ERN2: variants seen among roughly 807,000 people sequenced by gnomAD.
ERN2 encodes the protein serine/threonine-protein kinase/endoribonuclease IRE2.
ERN2 carries 111 observed loss-of-function variants against 107.9 expected under a neutral mutation model. The ratio of observed to expected loss-of-function variants is 1.03; its 90% CI spans 0.88 to 1.20. ERN2 has a LOEUF of 1.20. ERN2 is among the 50% of genes most tolerant of loss of function. The pLI is 0.00. For missense variants in ERN2, 1,225 were observed against 1,197.9 expected (o/e 1.02, Z -0.33); for synonymous variants, 524 against 501.7 (o/e 1.04, Z -0.59).
intron 8 of ERN2, among the ~76,000 whole-genome samples, chr16:23,704,389 T>C (rs543769394): frequency 6.6e-6 from 1 of 152,232 alleles, no homozygotes; most frequent in South Asian, 2.1e-4. Context: ...ATGCTGTTCT[T>C]GTGATAGTGA....
chr16:23,706,289 G>C (rs1252267565), intron 7 of ERN2, 41 bp downstream of exon 7: 34 of 1,363,328 alleles, frequency 2.5e-5, no homozygotes, highest in Non-Finnish European at 3.3e-5. Context: ...CTGGGTTGGG[G>C]ACCTTGCTCC....
chr16:23,701,069 G>T lies in ERN2; in HGVS notation c.1249C>A (p.Pro417Thr). The change falls in exon 12 of 22, where the codon CCA becomes ACA. Residue 417 changes from proline (P) to threonine (T), a missense_variant. Transcript: ENST00000256797. ...TAAGAGTCTGGAGTTTTTTCTTCTG[G>T]ATGCAGCTCGGAGTCCCAAAGTTTC... ...REKLWDSELHPEEKTPDSYLG... is the reference protein window; with the variant it reads ...REKLWDSELHTEEKTPDSYLG... The T allele has an allele frequency of 6.2e-7, 1 of 1,614,150 alleles. No homozygotes were observed. Among genetic ancestry groups the T allele is most frequent in the African/African-American group, 1.3e-5 (1 of 75,042 alleles).
intron 17 of ERN2, 94 bp from the exon 18 acceptor site, chr16:23,692,425 G>A (rs1431219818): frequency 2.2e-6 from 3 of 1,394,938 alleles, no homozygotes; most frequent in East Asian, 2.4e-5. Context: ...GCTGCCAGGG[G>A]TTTGGCTCAG....
chr16:23,705,567 G>A (rs943868530), intron 7 of ERN2, among the ~76,000 whole-genome samples: 1 of 151,968 alleles, frequency 6.6e-6, no homozygotes, highest in African/African-American at 2.4e-5. Context: ...GGGCTTGAGG[G>A]GGCCTTGGGG....
intron 11 of ERN2, among the ~76,000 whole-genome samples, chr16:23,701,827 G>A (rs1960080665): frequency 6.6e-6 from 1 of 151,476 alleles, no homozygotes; most frequent in Non-Finnish European, 1.5e-5. Context: ...GTAGAGATGG[G>A]GTCTTGTTAT....
rs753302987 is a variant in ERN2, at chr16:23,700,958, C to A, written c.1359+1G>T. The A allele has an allele frequency of 6.2e-7, 1 of 1,613,600 alleles. No individual in the cohort carries two copies. The highest frequency in any genetic ancestry group is 2.2e-5 in the East Asian group (1 of 44,886). ...ACCTGAGGTCAGGGCGGTGGGCCTA[C>A]CTGCCTCATCACAAAGAGAATCCAC... is the stretch of plus-strand genomic sequence containing the variant. On this transcript the variant is annotated splice_donor_variant, in intron 12 of 21. Coordinates refer to ENST00000256797, the MANE Select transcript of ERN2 (RefSeq NM_033266.4). LOFTEE classifies it high-confidence loss of function.
rs776115890 is a variant in ERN2, at chr16:23,713,168, C to T, written c.20G>A (p.Gly7Glu). Residue 7 changes from glycine (G) to glutamate (E), a missense_variant, in exon 1 of 22, where the codon GGG becomes GAG. Gly to Glu is a moderately conservative substitution (Grantham distance 98). Transcript: ENST00000256797. MASAVR[G>E]SRPWPRLGLQ... ...CCCCAGCCGGGGCCACGGCCTCGAC[C>T]CCCTGACCGCACTCGCCATAGCGCC... 1.9e-6 allele frequency: 3 copies of T among 1,575,998 alleles called. No individual in the cohort carries two copies. The highest frequency in any genetic ancestry group is 1.8e-5 in the Admixed American group (1 of 56,554).
At chr16:23,694,670 A>ACGGATTC in intron 17 of ERN2, 58 bp downstream of exon 17, 1 of 1,442,340 alleles carries the variant, frequency 6.9e-7, no homozygotes, top group Non-Finnish European at 9.3e-7. Flanking sequence ...TGGGACAGGG[A>ACGGATTC]CGGATTCCTG....
At position 23,702,370 on chromosome 16, in the gene ERN2, T is replaced by C. The variant is rs536860527; in HGVS notation, c.1081+20A>G. 1 of 1,611,390 alleles carries C rather than the reference T, an allele frequency of 6.2e-7. No homozygotes were observed. Among genetic ancestry groups the C allele is most frequent in the East Asian group, 2.2e-5 (1 of 44,818 alleles). ...GTTCTTTATCTTCATCTACTCCCAA[T>C]TTGAGCCAGAGGATCTCACCAATGA... On this transcript the variant is annotated intron_variant, in intron 10 of 21. Coordinates refer to ENST00000256797, the MANE Select transcript of ERN2 (RefSeq NM_033266.4).
Position 23,702,106 on chromosome 16 carries a change from C to A in ERN2, c.1203+46G>T, listed in dbSNP as rs772913167. ...AAGATCCAAGGGCTATTCCCCCCAT[C>A]TGCTGGGGCCTCCCTACCCCCACTC... On this transcript the variant is annotated intron_variant, in intron 11 of 21. Transcript: ENST00000256797. 7.0e-6 allele frequency: 11 copies of A among 1,580,306 alleles called. No individual in the cohort carries two copies. The Admixed American group carries it at 2.0e-4, about 29-fold the overall frequency.
intron 4 of ERN2, chr16:23,709,316 A>G (rs1030037857): frequency 3.1e-6 from 1 of 326,046 alleles, no homozygotes; most frequent in South Asian, 2.4e-5. Flanking sequence ...TGTTTAAATT[A>G]AAAAAAAGGA....
chr16:23,712,196 C>T (rs1960572993), intron 1 of ERN2: 1 of 235,412 alleles, frequency 4.2e-6, no homozygotes, highest in African/African-American at 2.3e-5. Flanking sequence ...TCAATTTTGT[C>T]ATCTGCAGCA....
chr16:23,711,548 G>T (rs981171847), intron 1 of ERN2, among the ~76,000 whole-genome samples: 1 of 151,904 alleles, frequency 6.6e-6, no homozygotes, highest in Admixed American at 6.6e-5. Flanking sequence ...TGTAGAGATG[G>T]GGTCTTGCTA....
intron 17 of ERN2, among the ~76,000 whole-genome samples, chr16:23,693,851 G>A (rs768419120): frequency 2.4e-4 from 37 of 152,130 alleles, no homozygotes; most frequent in Non-Finnish European, 3.8e-4. Context: ...TGGGTCAGAC[G>A]CTGCTCTGTG....
In ERN2 at chr16:23,690,782, C is replaced by T; in HGVS notation, c.*49G>A. On this transcript the variant is annotated 3_prime_UTR_variant, in exon 22 of 22. Transcript: ENST00000256797. The stretch of plus-strand genomic sequence containing the variant: ...ATTCTGAGGCCAGCCACAGGCTCAG[C>T]TCTTCAGTGAGCCAGCACGGAGACC... 1.3e-6 allele frequency: 2 copies of T among 1,491,416 alleles called. No homozygotes were observed. The highest frequency in any genetic ancestry group is 4.4e-4 in the Middle Eastern group (2 of 4,500). The allele number at this position is 1,491,416 out of a possible 1,614,324, so 92.4% of individuals were successfully genotyped here.
Position 23,691,392 on chromosome 16 carries a change from G to T in ERN2, c.2410C>A (p.Gln804Lys). Residue 804 changes from glutamine to lysine, a missense_variant, in exon 20 of 22, where the codon CAG becomes AAG. Coordinates refer to ENST00000256797, the MANE Select transcript of ERN2 (RefSeq NM_033266.4). Reference protein sequence around the residue: ...VSDWLEKESEQEPLVRALEAG... With the variant: ...VSDWLEKESEKEPLVRALEAG... ...TCCAGTGCCCTCACCAGGGGCTCCT[G>T]CTCGGACTCCTTCTCCAGCCAGTCA... is the stretch of plus-strand genomic sequence containing the variant. 6.2e-7 allele frequency: 1 copy of T among 1,600,518 alleles called. No homozygotes were observed. The highest frequency in any genetic ancestry group is 8.5e-7 in the Non-Finnish European group (1 of 1,179,768).
At chr16:23,691,861 A>G (rs1026171755) in intron 19 of ERN2, 102 bp downstream of exon 19, 1 of 1,450,868 alleles carries the variant, frequency 6.9e-7, no homozygotes, top group Non-Finnish European at 9.3e-7. Flanking sequence ...AGGACCAGGT[A>G]GCTCTTCCTG....
intron 4 of ERN2, among the ~76,000 whole-genome samples, chr16:23,707,785 A>C (rs1960381279): frequency 6.6e-6 from 1 of 152,192 alleles, no homozygotes; most frequent in East Asian, 1.9e-4. Flanking sequence ...TAATTCCAAA[A>C]ATCCAAAACA....
Position 23,711,069 on chromosome 16 carries a change from C to T in ERN2, c.94-51G>A, listed in dbSNP as rs753312957. The T allele has an allele frequency of 3.1e-6, 4 of 1,285,694 alleles. No individual in the cohort carries two copies. The East Asian group carries it at 6.9e-5, about 22-fold the overall frequency. The allele number at this position is 1,285,694 out of a possible 1,614,324, so 79.6% of individuals were successfully genotyped here. ...GCTCTCTGAGGGGTCTGGGACCACC[C>T]TTTGCTCCTGTCCCAAGCAGGGCTG... On this transcript the variant is annotated intron_variant, in intron 1 of 21. Transcript: ENST00000256797.
Sources: allele counts gnomAD v4.1 joint callset (sites outside exome capture counted in the v4.1 genomes callset), GRCh38; gene constraint gnomAD v4.1.1; transcripts MANE v1.5; gene names NCBI Gene and HGNC (gene_info 2026-07-23, HGNC 2026-07-21).